The following TAF13 variants were observed in gnomAD, a reference collection of about 807,000 sequenced individuals.
The protein encoded by TAF13 is transcription initiation factor TFIID subunit 13.
TAF13 carries 9 observed loss-of-function variants against 18.7 expected under a neutral mutation model. The ratio of observed to expected loss-of-function variants is 0.48; its 90% CI spans 0.29 to 0.84. The LOEUF is 0.84. Ranked by LOEUF, TAF13 falls within the 40% of genes least tolerant of loss-of-function variation. The pLI is 0.08. For synonymous variants in TAF13, 49 were observed against 44.1 expected, an observed-to-expected ratio of 1.11 and a Z score of -0.44; for missense variants, 105 against 146.5, an observed-to-expected ratio of 0.72 and a Z score of 1.46.
At chr1:109,071,958 ATATATATATATATAT>A (rs1557985845) in intron 2 of TAF13, among the ~76,000 whole-genome samples, 1 of 4,804 alleles carries the variant, frequency 2.1e-4, no homozygotes, top group Non-Finnish European at 3.7e-4. Context: ...CAAAAAGAAA[ATATATATATATATAT>A]ATACACACAT....
intron 2 of TAF13, among the ~76,000 whole-genome samples, chr1:109,071,954 G>GAAAAAAAAAAAAA (rs1171636503): frequency 4.9e-5 from 2 of 40,484 alleles, no homozygotes; most frequent in South Asian, 1.5e-3. Flanking sequence ...GTCTCAAAAA[G>GAAAAAAAAAAAAA]AAAATATATA....
At chr1:109,075,840 A>C in intron 1 of TAF13, 81 bp downstream of exon 1, 1 of 1,591,390 alleles carries the variant, frequency 6.3e-7, no homozygotes, top group East Asian at 2.2e-5. Flanking sequence ...AGGCAAGCAG[A>C]CCCGATCCTG....
chr1:109,073,789 C>T (rs1439174808), intron 2 of TAF13, among the ~76,000 whole-genome samples: 4 of 152,210 alleles, frequency 2.6e-5, no homozygotes, highest in Non-Finnish European at 4.4e-5. Context: ...GCTGCCACCC[C>T]GTCTAGGAAT....
At chr1:109,068,529 G>A (rs1031784007) in intron 2 of TAF13, among the ~76,000 whole-genome samples, 6 of 151,624 alleles carry the variant, frequency 4.0e-5, no homozygotes, top group African/African-American at 1.2e-4. Context: ...TTATTTTTTC[G>A]TAGAGACAGG....
At position 109,075,152 on chromosome 1, in the gene TAF13, C is replaced by T. The variant is rs769337736; in HGVS notation, c.28-87G>A. 1.9e-4 allele frequency: 217 copies of T among 1,145,448 alleles called. 1 individual carries two copies. Among genetic ancestry groups the T allele is most frequent in the Non-Finnish European group, 2.5e-4 (205 of 810,964 alleles). The allele number at this position is 1,145,448 out of a possible 1,614,324, so 71.0% of individuals were successfully genotyped here. On this transcript the variant is annotated intron_variant, in intron 1 of 3. Transcript: ENST00000338366. ...AATGACATTTTTTTTTCCTTTTCAA[C>T]AGATAGGCCAGAAAGCCAAAGGAAG...
intron 2 of TAF13, among the ~76,000 whole-genome samples, chr1:109,070,155 C>T (rs1225144451): frequency 1.4e-4 from 22 of 152,192 alleles, no homozygotes; most frequent in Admixed American, 1.4e-3. Context: ...TGTCATGCCT[C>T]CTTAGTTCCC....
Position 109,064,174 on chromosome 1 carries a change from A to AAAAAAAAAC in TAF13, c.*348_*349insGTTTTTTTT, listed in dbSNP as rs1426509663. 1 of 150,472 alleles carries AAAAAAAAAC rather than the reference A, an allele frequency of 6.6e-6. No homozygotes were observed. Among genetic ancestry groups the AAAAAAAAAC allele is most frequent in the Admixed American group, 6.7e-5 (1 of 14,880 alleles). 9.3% of individuals were successfully genotyped at this position (150,472 alleles called of 1,614,324 possible). A position where few individuals can be genotyped will look rare whatever the true frequency, so the allele number is the denominator to read the frequency against. On this transcript the variant is annotated 3_prime_UTR_variant, in exon 4 of 4. Transcript: ENST00000338366. ...TCCATCTCAAAAAAAAAAAAAAAAAAAAAAAAAGCTACAGTATAGCTTACA... is the reference window on the plus strand; with the variant it reads ...TCCATCTCAAAAAAAAAAAAAAAAAAAAAAAAAACAAAAAAAGCTACAGTATAGCTTACA...
chr1:109,066,386 T>C (rs2102105656), intron 2 of TAF13, among the ~76,000 whole-genome samples, 154 bp from the exon 3 acceptor site: 1 of 152,328 alleles, frequency 6.6e-6, no homozygotes, highest in South Asian at 2.1e-4. Context: ...TGGATTCTTG[T>C]GTAAAAGGTT....
rs769093021 is a variant in TAF13, at chr1:109,066,201, G to A, written c.138C>T (p.Asp46=). 35 of 1,612,308 alleles carry A rather than the reference G, an allele frequency of 2.2e-5. No individual in the cohort carries two copies. Among genetic ancestry groups the A allele is most frequent in the Non-Finnish European group, 3.0e-5 (35 of 1,179,502 alleles). ...CCACTGACTCAGTATAAGGATTCTGGTCATCCCCAAAGCCATACATCATAC... is the reference window on the plus strand; with the variant it reads ...CCACTGACTCAGTATAAGGATTCTGATCATCCCCAAAGCCATACATCATAC... ...LRCMMYGFGD[D]QNPYTESVDI... is the part of the protein sequence containing the mutation. Residue 46 remains aspartate, a synonymous_variant, in exon 3 of 4, where the codon GAC becomes GAT. Coordinates refer to ENST00000338366, the MANE Select transcript of TAF13 (RefSeq NM_005645.4).
At chr1:109,074,354 T>C (rs1464721797) in intron 2 of TAF13, among the ~76,000 whole-genome samples, 1 of 152,148 alleles carries the variant, frequency 6.6e-6, no homozygotes, top group African/African-American at 2.4e-5. Context: ...AGATGTGCTT[T>C]GTTAAACAGA....
At chr1:109,073,862 G>A (rs937722410) in intron 2 of TAF13, among the ~76,000 whole-genome samples, 24 of 151,634 alleles carry the variant, frequency 1.6e-4, no homozygotes, top group Non-Finnish European at 3.1e-4. Flanking sequence ...CTGCCCGGCC[G>A]CCCCGTCTGG....
chr1:109,066,881 G>A (rs552153482), intron 2 of TAF13, among the ~76,000 whole-genome samples: 2 of 151,856 alleles, frequency 1.3e-5, no homozygotes, highest in South Asian at 2.1e-4. Context: ...CACCACGCCC[G>A]GCTAATTTTT....
rs368734921 is a variant in TAF13 at position 109,064,562 on chromosome 1, T to G, written c.336A>C (p.Arg112=). ...DLLTMNEELK[R]ARKAFDEANY... ...TTGCTTCATCAAATGCTTTTCTAGC[T>G]CGTTTCAATTCTTCATTCATAGTAA... Residue 112 remains arginine (R), a synonymous_variant, in exon 4 of 4, where the codon CGA becomes CGC. Transcript: ENST00000338366. 5.1e-6 allele frequency: 8 copies of G among 1,554,670 alleles called. No homozygotes were observed. Among genetic ancestry groups the G allele is most frequent in the African/African-American group, 2.8e-5 (2 of 72,442 alleles).
chr1:109,075,192 ACC>A, intron 1 of TAF13, 127 bp from the exon 2 acceptor site: 2 of 750,902 alleles, frequency 2.7e-6, no homozygotes, highest in Non-Finnish European at 4.3e-6. Flanking sequence ...AAAAAAAAAA[ACC>A]ACGAAACCTT....
At chr1:109,067,222 C>T (rs996662618) in intron 2 of TAF13, among the ~76,000 whole-genome samples, 9 of 152,092 alleles carry the variant, frequency 5.9e-5, no homozygotes, top group African/African-American at 1.9e-4. Flanking sequence ...CTTTGGGAGG[C>T]CCAGGCAAGT....
intron 2 of TAF13, among the ~76,000 whole-genome samples, chr1:109,066,512 C>T (rs912453791): frequency 2.0e-5 from 3 of 152,146 alleles, no homozygotes; most frequent in Non-Finnish European, 4.4e-5. Flanking sequence ...CATCTACTTA[C>T]CAGTCCCTGC....
chr1:109,070,658 T>A (rs1664032454), intron 2 of TAF13, among the ~76,000 whole-genome samples: 1 of 152,216 alleles, frequency 6.6e-6, no homozygotes, highest in African/African-American at 2.4e-5. Context: ...CCTCCCAAAG[T>A]GCTGGGATTA....
At position 109,066,158 on chromosome 1, in the gene TAF13, C is replaced by T. The variant is rs777474503; in HGVS notation, c.181G>A (p.Val61Ile). Residue 61 changes from valine (V) to isoleucine (I), a missense_variant, in exon 3 of 4, where the codon GTC becomes ATC. Val to Ile is a conservative substitution (Grantham distance 29). Coordinates refer to ENST00000338366, the MANE Select transcript of TAF13 (RefSeq NM_005645.4). ...ACCATTTCAGTGATAAACTCTATGA[C>T]AAGATCTTCAAGAATATCCACTGAC... The part of the protein sequence containing the change: ...TESVDILEDL[V>I]IEFITEMTHK... 11 of 1,612,582 alleles carry T rather than the reference C, an allele frequency of 6.8e-6. No individual in the cohort carries two copies. The highest frequency in any genetic ancestry group is 9.3e-6 in the Non-Finnish European group (11 of 1,179,532).
At chr1:109,066,043 C>A (rs1447489212) in intron 3 of TAF13, 92 bp downstream of exon 3, 1 of 1,055,982 alleles carries the variant, frequency 9.5e-7, no homozygotes, top group Non-Finnish European at 1.4e-6. Flanking sequence ...TAGCTTATTT[C>A]AAAGGGATGC....
Sources: gnomAD v4.1 joint callset for allele counts (sites outside exome capture counted in the v4.1 genomes callset) on GRCh38, gnomAD v4.1.1 for gene constraint, MANE v1.5 for transcripts, NCBI Gene and HGNC (gene_info 2026-07-23, HGNC 2026-07-21) for gene names.